The following APLF variants were observed in gnomAD, a reference collection of about 807,000 sequenced individuals.
The protein encoded by APLF is aprataxin and PNKP like factor, also known as aprataxin and PNK-like factor.
APLF carries 61 observed loss-of-function variants against 55.6 expected under a neutral mutation model. The observed-to-expected ratio is 1.10, with a 90% CI of 0.89 to 1.36. APLF has a LOEUF of 1.36. Ranked by LOEUF, APLF falls within the 40% of genes most tolerant of loss-of-function variation. APLF has a pLI of 0.00. For missense variants in APLF, 611 were observed against 602.5 expected (o/e 1.01, Z -0.15); for synonymous variants, 207 against 214.8 (o/e 0.96, Z 0.32).
chr2:68,475,414 A>G (rs1400346479), intron 1 of APLF, among the ~76,000 whole-genome samples: 1 of 152,248 alleles, frequency 6.6e-6, no homozygotes, highest in Non-Finnish European at 1.5e-5. Context: ...TTTAAAATCT[A>G]AAGTGATGCA....
Position 68,562,869 on chromosome 2 carries a change from A to G in APLF, c.1287-4472A>G, listed in dbSNP as rs376350110. ...ATTTAAATTTTTATGTAAACCAAAC[A>G]TATCTAAAATTTGTTTTTGAGTGTG... On this transcript the variant is annotated intron_variant, in intron 8 of 9. Coordinates refer to ENST00000303795, the MANE Select transcript of APLF (RefSeq NM_173545.3). 3.9e-5 allele frequency among the ~76,000 whole-genome samples: 6 copies of G among 152,016 alleles called. No individual in the cohort carries two copies. In the East Asian group the frequency reaches 7.7e-4, roughly 19 times the overall value.
At chr2:68,507,377 C>T (rs1165107831) in intron 3 of APLF, among the ~76,000 whole-genome samples, 1 of 151,912 alleles carries the variant, frequency 6.6e-6, no homozygotes, top group Non-Finnish European at 1.5e-5. Flanking sequence ...CTTTTACTCA[C>T]ATTAAAATGT....
At chr2:68,565,508 C>T (rs375042504) in intron 8 of APLF, among the ~76,000 whole-genome samples, 11 of 146,354 alleles carry the variant, frequency 7.5e-5, no homozygotes, top group African/African-American at 2.3e-4. Flanking sequence ...GACAGATAGA[C>T]AGATAGATAC....
At chr2:68,568,150 GT>G (rs1250726422) in intron 9 of APLF, 2 of 433,828 alleles carry the variant, frequency 4.6e-6, no homozygotes, top group East Asian at 3.2e-4. Context: ...ACCTCAATCT[GT>G]TTTACCTTCT....
In APLF at chr2:68,486,819, G is replaced by T. The variant is rs1676191108; in HGVS notation, c.97-3371G>T. ...TTAACTTTTTATGGCTTTCTAAGAT[G>T]TGAAATATCTGACTTTCAGTTGAAG... On this transcript the variant is annotated intron_variant, in intron 1 of 9. Coordinates refer to ENST00000303795, the MANE Select transcript of APLF (RefSeq NM_173545.3). Among the ~76,000 whole-genome samples, 4 of 152,242 alleles carry T rather than the reference G, an allele frequency of 2.6e-5. No individual in the cohort carries two copies. The South Asian group carries it at 6.2e-4, about 24-fold the overall frequency.
At chr2:68,575,323 A>G (rs977915094) in intron 9 of APLF, among the ~76,000 whole-genome samples, 1 of 152,192 alleles carries the variant, frequency 6.6e-6, no homozygotes, top group Non-Finnish European at 1.5e-5. Context: ...GCAAAGAGCA[A>G]ATAGAATTGG....
chr2:68,498,044 C>A (rs78366059), intron 2 of APLF, among the ~76,000 whole-genome samples: 3,911 of 152,176 alleles, frequency 0.026, 66 homozygotes, highest in South Asian at 0.043. Context: ...CTACAAGGTG[C>A]AATTTAAAGA....
chr2:68,525,248 A>G (rs548872575), intron 5 of APLF, among the ~76,000 whole-genome samples: 1 of 152,052 alleles, frequency 6.6e-6, no homozygotes, highest in South Asian at 2.1e-4. Context: ...GTGAGCAGAG[A>G]TTGTGCCACT....
At chr2:68,531,062 A>G (rs1201976242) in intron 6 of APLF, among the ~76,000 whole-genome samples, 4 of 152,184 alleles carry the variant, frequency 2.6e-5, no homozygotes, top group Admixed American at 6.5e-5. Context: ...TTAAGAGCCT[A>G]TTGTAGGATC....
intron 6 of APLF, chr2:68,528,580 C>T (rs1670151127): frequency 4.6e-6 from 7 of 1,533,918 alleles, no homozygotes; most frequent in Non-Finnish European, 6.1e-6. Context: ...TGTCCTCCCC[C>T]ACCGTCAGCA....
intron 5 of APLF, among the ~76,000 whole-genome samples, chr2:68,517,441 A>G (rs534496600): frequency 7.3e-5 from 10 of 136,968 alleles, no homozygotes; most frequent in African/African-American, 2.7e-4. Context: ...ATATCTATAT[A>G]TGTTATTACT....
At position 68,540,599 on chromosome 2, in the gene APLF, A is replaced by G. The variant is rs537392473; in HGVS notation, c.1160+2372A>G. Among the ~76,000 whole-genome samples the G allele has an allele frequency of 2.1e-4, 32 of 152,308 alleles. No individual in the cohort carries two copies. In the South Asian group the frequency reaches 6.4e-3, roughly 31 times the overall value. On this transcript the variant is annotated intron_variant, in intron 7 of 9. Coordinates refer to ENST00000303795, the MANE Select transcript of APLF (RefSeq NM_173545.3). Reference sequence around the variant, plus strand: ...TGGAATTGTCACGCTATCTTCCACAATGGTTGAACTAATTTACATTCCCAC... The same window carrying G: ...TGGAATTGTCACGCTATCTTCCACAGTGGTTGAACTAATTTACATTCCCAC...
In APLF at chr2:68,533,181, G is replaced by A. The variant is rs117594855; in HGVS notation, c.805-4691G>A. Among the ~76,000 whole-genome samples the A allele has an allele frequency of 2.2e-4, 33 of 152,290 alleles. No homozygotes were observed. The East Asian group carries it at 6.2e-3, about 29-fold the overall frequency. ...CCACCTTCCCTCATGTAAGAATGCA[G>A]TAAGGAGCCTCACACCAGATGCTGG... On this transcript the variant is annotated intron_variant, in intron 6 of 9. Transcript: ENST00000303795.
At chr2:68,524,466 A>G (rs1669977256) in intron 5 of APLF, among the ~76,000 whole-genome samples, 1 of 152,158 alleles carries the variant, frequency 6.6e-6, no homozygotes, top group African/African-American at 2.4e-5. Context: ...AGAAAGTTTT[A>G]TTGGAACATG....
chr2:68,499,135 A>C (rs1487349519), intron 2 of APLF, among the ~76,000 whole-genome samples: 1 of 152,114 alleles, frequency 6.6e-6, no homozygotes, highest in Non-Finnish European at 1.5e-5. Context: ...AGCTATAGGA[A>C]ATTGATTTGT....
intron 1 of APLF, among the ~76,000 whole-genome samples, chr2:68,477,123 AG>A (rs1204967379): frequency 6.6e-6 from 1 of 152,194 alleles, no homozygotes; most frequent in East Asian, 1.9e-4. Context: ...ACAAACACAG[AG>A]TGTACATAGT....
At chr2:68,554,252 C>T (rs1670946250) in intron 8 of APLF, among the ~76,000 whole-genome samples, 1 of 151,716 alleles carries the variant, frequency 6.6e-6, no homozygotes, top group Non-Finnish European at 1.5e-5. Context: ...TAAAGATTAC[C>T]ACAGCCCTGC....
Position 68,513,203 on chromosome 2 carries a change from C to T in APLF, c.465C>T (p.Thr155=). Reference sequence around the variant, plus strand: ...AAGGAAGCACAGAAATAGCCAAGACCCAGATGACTCCCACAAATAGTGTGG... The same window carrying T: ...AAGGAAGCACAGAAATAGCCAAGACTCAGATGACTCCCACAAATAGTGTGG... ...QLEGSTEIAK[T]QMTPTNSVSF... The change falls in exon 4 of 10, where the codon ACC becomes ACT. Residue 155 remains threonine, a synonymous_variant. Coordinates refer to ENST00000303795, the MANE Select transcript of APLF (RefSeq NM_173545.3). The T allele has an allele frequency of 6.2e-7, 1 of 1,608,448 alleles. No homozygotes were observed.
chr2:68,486,511 C>G (rs1003829085), intron 1 of APLF, among the ~76,000 whole-genome samples: 4 of 152,058 alleles, frequency 2.6e-5, no homozygotes, highest in African/African-American at 9.7e-5. Context: ...CTTCAGCACC[C>G]CTAGATTCCC....
Sources: gnomAD v4.1 joint callset for allele counts (sites outside exome capture counted in the v4.1 genomes callset) on GRCh38, gnomAD v4.1.1 for gene constraint, MANE v1.5 for transcripts, NCBI Gene and HGNC (gene_info 2026-07-23, HGNC 2026-07-21) for gene names.